The following ANKRD31 variants were observed in gnomAD, a reference collection of about 807,000 sequenced individuals.
The protein encoded by ANKRD31 is ankyrin repeat domain-containing protein 31.
A neutral mutation model predicts 186.0 loss-of-function variants in ANKRD31; 147 were observed. That is an observed-to-expected ratio of 0.79 (90% CI 0.69 to 0.91). The LOEUF (loss-of-function observed/expected upper bound fraction) is 0.91, where lower values mean the gene tolerates loss of function less well. ANKRD31 is among the 40% of genes least tolerant of loss of function. The pLI is 0.00. For missense variants in ANKRD31, 1,986 were observed against 2,148.8 expected, an observed-to-expected ratio of 0.92 and a Z score of 1.50; for synonymous variants, 673 against 736.4, an observed-to-expected ratio of 0.91 and a Z score of 1.39.
At position 75,199,669 on chromosome 5, in the gene ANKRD31, C is replaced by T; in HGVS notation, c.409G>A (p.Glu137Lys). ...SLNHQNIEGP[E>K]AESPEVLPHI... ...GGCAAAACTTCAGGACTTTCAGCCT[C>T]TGGCCCTAGAAAAAAACAATGTGTT... The change falls in exon 6 of 26, where the codon GAG becomes AAG. Residue 137 changes from glutamate (E) to lysine (K), a missense_variant. By Grantham distance (56) the Glu-to-Lys change is moderately conservative. Transcript: ENST00000506364. 1.3e-6 allele frequency: 2 copies of T among 1,533,296 alleles called. No homozygotes were observed. Among genetic ancestry groups the T allele is most frequent in the Non-Finnish European group, 1.7e-6 (2 of 1,144,756 alleles). 95.0% of individuals were successfully genotyped at this position (1,533,296 alleles called of 1,614,324 possible).
rs1561475165 is a variant in ANKRD31, at chr5:75,146,416, CA to C, written c.2994del (p.Phe998LeufsTer16). The C allele has an allele frequency of 6.5e-7, 1 of 1,536,442 alleles. No homozygotes were observed. The highest frequency in any genetic ancestry group is 1.2e-5 in the South Asian group (1 of 84,026). On this transcript the variant is annotated frameshift_variant, in exon 14 of 26. Coordinates refer to ENST00000506364, the MANE Select transcript of ANKRD31 (RefSeq NM_001372053.1). LOFTEE classifies it high-confidence loss of function. The stretch of plus-strand genomic sequence containing the variant: ...TGCTCAGGATTGCCATTTGAGTGAT[CA>C]AAAGAAGGTCCAAATATGCATTGTT... Reference protein sequence around the residue: ...NYEQCIFGPSFDHSNGNPEQN... With the variant: ...NYEQCIFGPSXDHSNGNPEQN...
intron 25 of ANKRD31, among the ~76,000 whole-genome samples, chr5:75,070,865 G>C (rs746562324): frequency 6.6e-6 from 1 of 152,140 alleles, no homozygotes; most frequent in Non-Finnish European, 1.5e-5. Context: ...GGCCAAGATG[G>C]GTGGGTCACC....
chr5:75,231,729 C>T (rs777366182), intron 1 of ANKRD31, among the ~76,000 whole-genome samples: 10 of 152,108 alleles, frequency 6.6e-5, no homozygotes, highest in Non-Finnish European at 1.3e-4. Context: ...ATTAGGATGG[C>T]TGTTTATGAA....
chr5:75,114,056 G>A (rs996764282), intron 19 of ANKRD31, among the ~76,000 whole-genome samples: 1 of 152,116 alleles, frequency 6.6e-6, no homozygotes, highest in Non-Finnish European at 1.5e-5. Context: ...AAGATTTTGT[G>A]TCTAGTTAAG....
At chr5:75,150,333 A>G (rs1305271387) in intron 12 of ANKRD31, among the ~76,000 whole-genome samples, 1 of 151,982 alleles carries the variant, frequency 6.6e-6, no homozygotes, top group Non-Finnish European at 1.5e-5. Context: ...TTCTTTATTC[A>G]TCATTCCCAT....
At chr5:75,091,204 A>C in intron 23 of ANKRD31, 57 bp downstream of exon 23, 2 of 1,477,880 alleles carry the variant, frequency 1.4e-6, no homozygotes, top group Non-Finnish European at 8.9e-7. Flanking sequence ...TTCATCACAA[A>C]AATATGTACT....
At chr5:75,174,461 G>A (rs990990381) in intron 10 of ANKRD31, among the ~76,000 whole-genome samples, 2 of 152,114 alleles carry the variant, frequency 1.3e-5, no homozygotes, top group South Asian at 2.1e-4. Flanking sequence ...TACAGAATGG[G>A]AGAACATTTT....
chr5:75,200,156 G>A (rs893603440), intron 5 of ANKRD31, among the ~76,000 whole-genome samples: 4 of 152,178 alleles, frequency 2.6e-5, no homozygotes, highest in Non-Finnish European at 5.9e-5. Flanking sequence ...CATTGCCTCT[G>A]TGACTGCAAA....
At chr5:75,208,691 T>C (rs889182640) in intron 4 of ANKRD31, among the ~76,000 whole-genome samples, 6 of 152,226 alleles carry the variant, frequency 3.9e-5, no homozygotes, top group Admixed American at 3.9e-4. Context: ...CAAGACTTTA[T>C]CTGCCTAAGA....
intron 23 of ANKRD31, among the ~76,000 whole-genome samples, chr5:75,089,580 A>C (rs1021947196): frequency 9.9e-5 from 15 of 152,228 alleles, no homozygotes; most frequent in Admixed American, 7.2e-4. Flanking sequence ...AAAAGACTTT[A>C]AAAGAGCCTT....
chr5:75,110,020 A>T (rs1423183061), intron 20 of ANKRD31, among the ~76,000 whole-genome samples: 1 of 152,190 alleles, frequency 6.6e-6, no homozygotes, highest in Admixed American at 6.5e-5. Context: ...GTCAGTAATT[A>T]GTTACCATCC....
intron 2 of ANKRD31, among the ~76,000 whole-genome samples, chr5:75,228,404 A>C (rs1036078913): frequency 5.3e-5 from 8 of 152,220 alleles, no homozygotes; most frequent in African/African-American, 1.9e-4. Context: ...AATGTAGAAC[A>C]ATCTGTCATT....
At chr5:75,204,903 T>C (rs1756057144) in intron 5 of ANKRD31, among the ~76,000 whole-genome samples, 1 of 152,254 alleles carries the variant, frequency 6.6e-6, no homozygotes, top group African/African-American at 2.4e-5. Context: ...ACTTTCTTTT[T>C]TGAGATAGGG....
rs866899427 is a variant in ANKRD31, at chr5:75,236,631, C to A, written c.56G>T (p.Gly19Val). The A allele has an allele frequency of 6.5e-6, 10 of 1,537,202 alleles. No individual in the cohort carries two copies. In the African/African-American group the frequency reaches 9.6e-5, roughly 15 times the overall value. ...DWDSDETVIE[G>V]SVTESDLEEK... ...TTCCAGGTCGCTCTCCGTCACTGAA[C>A]CCTCTATCACAGTTTCATCACTGTC... The change falls in exon 1 of 26, where the codon GGT (glycine) becomes GTT (valine). Residue 19 changes from glycine (G) to valine (V), a missense_variant. Gly to Val is a moderately radical substitution (Grantham distance 109). Coordinates refer to ENST00000506364, the MANE Select transcript of ANKRD31 (RefSeq NM_001372053.1).
At chr5:75,201,193 C>T (rs1237198109) in intron 5 of ANKRD31, among the ~76,000 whole-genome samples, 3 of 152,018 alleles carry the variant, frequency 2.0e-5, no homozygotes, top group Admixed American at 6.5e-5. Context: ...TTTTTTCCCT[C>T]GCTTCATCTT....
At chr5:75,093,535 A>G (rs1413954760) in intron 22 of ANKRD31, among the ~76,000 whole-genome samples, 2 of 152,130 alleles carry the variant, frequency 1.3e-5, no homozygotes, top group Non-Finnish European at 2.9e-5. Context: ...AAAAGCATTA[A>G]TCTACACATT....
At position 75,075,168 on chromosome 5, in the gene ANKRD31, C is replaced by G. The variant is rs1744531712; in HGVS notation, c.5647+5400G>C. ...TAGAATGGAGATGTTCTTCTGTAAG[C>G]CCCAGTCTGTGCTCACTCCTCAGTT... On this transcript the variant is annotated intron_variant, in intron 25 of 25. Coordinates refer to ENST00000506364, the MANE Select transcript of ANKRD31 (RefSeq NM_001372053.1). Among the ~76,000 whole-genome samples, 5 of 152,302 alleles carry G rather than the reference C, an allele frequency of 3.3e-5. No individual in the cohort carries two copies. The South Asian group carries it at 1.0e-3, about 32-fold the overall frequency.
In ANKRD31 at chr5:75,116,644, C is replaced by T. The variant is rs1334910600; in HGVS notation, c.4077G>A (p.Gln1359=). ...IPAVRSKRHK[Q]CFCDDGKTID... ...TAGTTTTGCCATCATCACAAAAACA[C>T]TGTTTATGTCTTTTAGACCGGACAG... Residue 1359 remains glutamine (Q), a synonymous_variant, in exon 19 of 26, where the codon CAG becomes CAA. Coordinates refer to ENST00000506364, the MANE Select transcript of ANKRD31 (RefSeq NM_001372053.1). 4 of 1,447,614 alleles carry T rather than the reference C, an allele frequency of 2.8e-6. No individual in the cohort carries two copies. The highest frequency in any genetic ancestry group is 2.1e-5 in the Admixed American group (1 of 48,404). The allele number at this position is 1,447,614 out of a possible 1,614,324, so 89.7% of individuals were successfully genotyped here.
chr5:75,138,278 T>G (rs1378354560), intron 16 of ANKRD31, among the ~76,000 whole-genome samples: 1 of 152,202 alleles, frequency 6.6e-6, no homozygotes, highest in Non-Finnish European at 1.5e-5. Context: ...CTACTCATTT[T>G]GATTTGTTTC....
Sources: allele counts gnomAD v4.1 joint callset (sites outside exome capture counted in the v4.1 genomes callset), GRCh38; gene constraint gnomAD v4.1.1; transcripts MANE v1.5; gene names NCBI Gene and HGNC (gene_info 2026-07-23, HGNC 2026-07-21).